The following PTPRD variants were observed in gnomAD, a reference collection of about 807,000 sequenced individuals.
PTPRD encodes protein tyrosine phosphatase receptor type D, also known as receptor-type tyrosine-protein phosphatase delta.
Under a neutral mutation model 214.5 loss-of-function variants are expected in PTPRD, and 34 were observed. The observed-to-expected ratio is 0.16, with a 90% CI of 0.12 to 0.21. The LOEUF (loss-of-function observed/expected upper bound fraction) is 0.21, where lower values mean the gene tolerates loss of function less well. Among genes scored for constraint, PTPRD ranks in the 10% least tolerant of loss-of-function variants. The pLI is 1.00. For synonymous variants in PTPRD, 1,128 were observed against 845.7 expected (o/e 1.33, Z -5.79); for missense variants, 2,545 against 2,398.7 (o/e 1.06, Z -1.27).
chr9:10,146,375 C>G (rs923678705), intron 3 of PTPRD, among the ~76,000 whole-genome samples: 2 of 151,782 alleles, frequency 1.3e-5, no homozygotes, highest in South Asian at 2.1e-4. Flanking sequence ...AACCCCTGTC[C>G]TATATAAATT....
chr9:10,583,434 G>A (rs1429417317), intron 2 of PTPRD, among the ~76,000 whole-genome samples: 4 of 151,298 alleles, frequency 2.6e-5, no homozygotes, highest in East Asian at 2.0e-4. Flanking sequence ...AGGTCCCCTG[G>A]TTGTGGTTAT....
intron 3 of PTPRD, among the ~76,000 whole-genome samples, chr9:10,202,471 T>A (rs892562340): frequency 7.1e-6 from 1 of 141,008 alleles, no homozygotes; most frequent in South Asian, 2.2e-4. Context: ...GAAAGGATAC[T>A]AAATAAAATG....
At chr9:8,651,965 T>G (rs1198188491) in intron 12 of PTPRD, among the ~76,000 whole-genome samples, 1 of 152,198 alleles carries the variant, frequency 6.6e-6, no homozygotes, top group Non-Finnish European at 1.5e-5. Flanking sequence ...CAGACCCTGG[T>G]AGCAGCTCAT....
chr9:10,600,272 T>C (rs925958846), intron 2 of PTPRD, among the ~76,000 whole-genome samples: 4 of 151,728 alleles, frequency 2.6e-5, no homozygotes, highest in African/African-American at 7.3e-5. Flanking sequence ...AAAAAAAGTT[T>C]TCTGGAATTT....
rs868487015 is a variant in PTPRD at position 9,655,838 on chromosome 9, C to T, written c.-287+78695G>A. Among the ~76,000 whole-genome samples the T allele has an allele frequency of 1.7e-4, 26 of 151,790 alleles. No individual in the cohort carries two copies. In the South Asian group the frequency reaches 4.8e-3, roughly 28 times the overall value. ...ACTAAAAATGCAAAAATTAGCTGGG[C>T]GTGGTGGGAGGTGCCTGTAATCCGA... On this transcript the variant is annotated intron_variant, in intron 7 of 45. Transcript: ENST00000381196.
At chr9:9,030,742 A>G (rs1032083969) in intron 10 of PTPRD, among the ~76,000 whole-genome samples, 5 of 151,912 alleles carry the variant, frequency 3.3e-5, no homozygotes, top group African/African-American at 1.2e-4. Flanking sequence ...AGTGGAATCC[A>G]CCTTTATTAA....
chr9:8,377,071 A>T (rs917882522), intron 37 of PTPRD, among the ~76,000 whole-genome samples: 6 of 152,138 alleles, frequency 3.9e-5, no homozygotes, highest in African/African-American at 1.4e-4. Context: ...TATGAATCAC[A>T]TCGGGAGGAT....
intron 12 of PTPRD, among the ~76,000 whole-genome samples, chr9:8,714,139 C>G (rs1211271672): frequency 6.6e-6 from 1 of 152,132 alleles, no homozygotes; most frequent in Non-Finnish European, 1.5e-5. Context: ...AAGAGATGAT[C>G]TATATAATCT....
intron 2 of PTPRD, among the ~76,000 whole-genome samples, chr9:10,355,078 C>T (rs2097252408): frequency 6.6e-6 from 1 of 152,080 alleles, no homozygotes; most frequent in African/African-American, 2.4e-5. Flanking sequence ...TTATATATTT[C>T]TACTTTGGCA....
At chr9:8,941,462 A>C (rs2099033411) in intron 11 of PTPRD, among the ~76,000 whole-genome samples, 1 of 152,180 alleles carries the variant, frequency 6.6e-6, no homozygotes, top group Admixed American at 6.5e-5. Flanking sequence ...GAAAAAGAGC[A>C]GTATATGGGT....
rs1232806241 is a variant in PTPRD at position 9,931,924 on chromosome 9, C to T, written c.-368+6583G>A. On this transcript the variant is annotated intron_variant, in intron 5 of 45. Coordinates refer to ENST00000381196, the MANE Select transcript of PTPRD (RefSeq NM_002839.4). ...CCTCAAGTGGGTCCCTGACCCCTGA[C>T]CCCCGAGCAGCCTAACTGGGAGGCA... 7.6e-3 allele frequency among the ~76,000 whole-genome samples: 1,150 copies of T among 151,708 alleles called. 13 individuals are homozygous for T. Among genetic ancestry groups the T allele is most frequent in the African/African-American group, 0.026 (1,093 of 41,286 alleles).
chr9:9,220,640 T>C (rs540576303), intron 9 of PTPRD, among the ~76,000 whole-genome samples: 4 of 152,110 alleles, frequency 2.6e-5, no homozygotes, highest in African/African-American at 9.6e-5. Context: ...TCATTTGCAT[T>C]TCGGGGGGTT....
At chr9:10,349,983 A>G (rs1020659510) in intron 2 of PTPRD, among the ~76,000 whole-genome samples, 1 of 152,208 alleles carries the variant, frequency 6.6e-6, no homozygotes, top group Non-Finnish European at 1.5e-5. Flanking sequence ...GTTTTAAATA[A>G]TTGAAAGAGA....
chr9:9,196,795 G>A lies in PTPRD; in HGVS notation c.-202-13432C>T, dbSNP rs1297769692. Among the ~76,000 whole-genome samples, 4 of 152,004 alleles carry A rather than the reference G, an allele frequency of 2.6e-5. No individual in the cohort carries two copies. In the South Asian group the frequency reaches 8.3e-4, roughly 32 times the overall value. ...TCTTTATGTGTCTCCCCCTAAAAAA[G>A]AGCAAAGCAACAACTGATAAGGACC... On this transcript the variant is annotated intron_variant, in intron 9 of 45. Coordinates refer to ENST00000381196, the MANE Select transcript of PTPRD (RefSeq NM_002839.4).
At chr9:9,291,550 C>G (rs1021988122) in intron 9 of PTPRD, among the ~76,000 whole-genome samples, 1 of 151,030 alleles carries the variant, frequency 6.6e-6, no homozygotes, top group Admixed American at 6.6e-5. Context: ...TTTGAAAGAC[C>G]TGATTTTGTA....
chr9:9,914,116 A>G (rs1026320351), intron 5 of PTPRD, among the ~76,000 whole-genome samples: 1 of 152,120 alleles, frequency 6.6e-6, no homozygotes, highest in Non-Finnish European at 1.5e-5. Flanking sequence ...CCACCCTTGA[A>G]CTAGCCAAAT....
chr9:10,508,472 T>C (rs886191352), intron 2 of PTPRD, among the ~76,000 whole-genome samples: 1 of 152,194 alleles, frequency 6.6e-6, no homozygotes, highest in Non-Finnish European at 1.5e-5. Flanking sequence ...TTATAAATCA[T>C]GCTGCTATGA....
chr9:10,278,427 G>A (rs2094858814), intron 3 of PTPRD, among the ~76,000 whole-genome samples: 1 of 152,160 alleles, frequency 6.6e-6, no homozygotes, highest in African/African-American at 2.4e-5. Flanking sequence ...AGTAGAGGGA[G>A]AGGCTCAGAT....
intron 4 of PTPRD, among the ~76,000 whole-genome samples, chr9:10,007,068 G>A (rs1056396141): frequency 5.3e-5 from 8 of 151,838 alleles, no homozygotes; most frequent in Admixed American, 4.6e-4. Context: ...ACCACTCTAA[G>A]GCAGAAGTGT....
Sources: gnomAD v4.1 joint callset for allele counts (sites outside exome capture counted in the v4.1 genomes callset) on GRCh38, gnomAD v4.1.1 for gene constraint, MANE v1.5 for transcripts, NCBI Gene and HGNC (gene_info 2026-07-23, HGNC 2026-07-21) for gene names.